The following RBM41 variants were observed in gnomAD, a reference collection of about 807,000 sequenced individuals.
The protein encoded by RBM41 is RNA binding motif protein 41.
In RBM41, 14 loss-of-function variants were observed where a neutral mutation model predicts 30.8. The ratio of observed to expected loss-of-function variants is 0.45; its 90% CI spans 0.30 to 0.71. The LOEUF (loss-of-function observed/expected upper bound fraction) is 0.71. Among genes scored for constraint, RBM41 ranks in the 30% least tolerant of loss-of-function variants. The probability of loss-of-function intolerance (pLI) is 0.08; values close to 1 mark genes in which losing one functional copy is unlikely to be tolerated. For missense variants in RBM41, 276 were observed against 326.3 expected (o/e 0.85, Z 1.19); for synonymous variants, 120 against 110.1 (o/e 1.09, Z -0.56).
intron 6 of RBM41, among the ~76,000 whole-genome samples, chrX:107,073,909 TA>T (rs1936150707): frequency 9.0e-6 from 1 of 111,210 alleles, no homozygotes; most frequent in Admixed American, 9.6e-5. Context: ...ATGTGGGAGC[TA>T]AAAAGAATTG....
chrX:107,090,919 C>T (rs1251800825), intron 5 of RBM41, among the ~76,000 whole-genome samples: 2 of 109,859 alleles, frequency 1.8e-5, no homozygotes, highest in East Asian at 5.7e-4. Context: ...TTTTAAGCCC[C>T]GCGTGCATTA....
chrX:107,116,344 G>C, intron 2 of RBM41: 1 of 767,335 alleles, frequency 1.3e-6, no homozygotes, highest in Non-Finnish European at 1.7e-6. Context: ...AATGGCTCCT[G>C]CTTTTGTGGA....
At chrX:107,105,505 T>A (rs1397597136) in intron 5 of RBM41, among the ~76,000 whole-genome samples, 1 of 108,856 alleles carries the variant, frequency 9.2e-6, no homozygotes, top group South Asian at 4.1e-4. Flanking sequence ...CTTCACAGAA[T>A]TGGAAAAAAC....
rs1437202370 is a variant in RBM41, at chrX:107,105,434, C to T, written c.595+7963G>A. The stretch of plus-strand genomic sequence containing the variant: ...GGAAGAATCAATATCGTGAAAATGG[C>T]CATACTGCCCAAGGTAATTTACAGA... On this transcript the variant is annotated intron_variant, in intron 5 of 7. Coordinates refer to ENST00000685964, the MANE Select transcript of RBM41 (RefSeq NM_001324242.2). Among the ~76,000 whole-genome samples, 3 of 106,437 alleles carry T rather than the reference C, an allele frequency of 2.8e-5. No homozygotes were observed. In the East Asian group the frequency reaches 8.9e-4, roughly 32 times the overall value. The allele number at this position is 106,437 out of a possible 115,157, so 92.4% of individuals were successfully genotyped here.
At position 107,115,919 on chromosome X, in the gene RBM41, T is replaced by C. The variant is rs1458850534; in HGVS notation, c.261A>G (p.Glu87=). 3 of 1,208,211 alleles carry C rather than the reference T, an allele frequency of 2.5e-6. No homozygotes were observed. Among genetic ancestry groups the C allele is most frequent in the Non-Finnish European group, 3.4e-6 (3 of 894,331 alleles). Residue 87 remains glutamate, a synonymous_variant, in exon 3 of 8, where the codon GAA becomes GAG. Coordinates refer to ENST00000685964, the MANE Select transcript of RBM41 (RefSeq NM_001324242.2). ...EKDQETASLR[E]LGLNETEILI... ...AGATTTCTGTTTCATTAAGCCCTAA[T>C]TCCCTGAGAGAAGCAGTTTCCTGGT... is the stretch of plus-strand genomic sequence containing the variant.
chrX:107,078,846 A>G (rs781345988), intron 6 of RBM41, among the ~76,000 whole-genome samples: 1 of 110,473 alleles, frequency 9.1e-6, no homozygotes, highest in East Asian at 2.8e-4. Flanking sequence ...AAGCTCTTTC[A>G]TTTGGCTCCT....
intron 3 of RBM41, 43 bp downstream of exon 3, chrX:107,115,819 T>G (rs1235986410): frequency 8.8e-7 from 1 of 1,130,424 alleles, no homozygotes; most frequent in African/African-American, 1.8e-5. Flanking sequence ...GCTCTGTTTC[T>G]TTGAGGAGAA....
chrX:107,117,213 G>A (rs1243798335), intron 1 of RBM41, among the ~76,000 whole-genome samples: 2 of 112,175 alleles, frequency 1.8e-5, no homozygotes, highest in Non-Finnish European at 3.8e-5. Flanking sequence ...GTGTGATGCA[G>A]AAAAGGAGAA....
At chrX:107,055,127 T>C in the RBM41 span, among the ~76,000 whole-genome samples, 1 of 112,097 alleles carries the variant, frequency 8.9e-6, no homozygotes, top group Non-Finnish European at 1.9e-5. Flanking sequence ...GCTTATTCCA[T>C]AGCATAACGT....
chrX:107,068,118 G>C (rs1343202873), intron 7 of RBM41, among the ~76,000 whole-genome samples: 2 of 111,035 alleles, frequency 1.8e-5, no homozygotes, highest in African/African-American at 6.5e-5. Context: ...TTTTTCAGTG[G>C]GAGAGTGGTT....
intron 3 of RBM41, 22 bp downstream of exon 3, chrX:107,115,840 A>C: frequency 8.7e-6 from 10 of 1,147,728 alleles, no homozygotes; most frequent in Non-Finnish European, 1.2e-5. Flanking sequence ...AAACCAACAA[A>C]AAAAAACATT....
chrX:107,086,036 T>C (rs1161809613), intron 6 of RBM41, among the ~76,000 whole-genome samples: 1 of 112,033 alleles, frequency 8.9e-6, no homozygotes, highest in Non-Finnish European at 1.9e-5. Context: ...AGCAAAGGAA[T>C]GTAACAGGTA....
intron 6 of RBM41, among the ~76,000 whole-genome samples, chrX:107,086,023 T>C (rs984754009): frequency 1.8e-5 from 2 of 111,824 alleles, no homozygotes; most frequent in Admixed American, 1.9e-4. Context: ...CGATTAAATA[T>C]TCAGCAAAGG....
intron 4 of RBM41, 30 bp from the exon 5 acceptor site, chrX:107,113,498 A>G (rs1569347067): frequency 1.0e-6 from 1 of 982,286 alleles, no homozygotes; most frequent in African/African-American, 2.0e-5. Context: ...GGAGTTTCAA[A>G]GATAGGAAAC....
intron 7 of RBM41, among the ~76,000 whole-genome samples, chrX:107,068,727 A>G (rs1186310462): frequency 1.8e-5 from 2 of 111,723 alleles, no homozygotes; most frequent in African/African-American, 6.5e-5. Context: ...AAAACAACAT[A>G]TTATCTGGTC....
the RBM41 span, among the ~76,000 whole-genome samples, chrX:107,052,787 G>A: frequency 9.0e-6 from 1 of 111,558 alleles, no homozygotes; most frequent in Non-Finnish European, 1.9e-5. Context: ...CCTAAGAAGG[G>A]GAGAACCCAG....
rs1215707044 is a variant in RBM41, at chrX:107,065,713, A to T, written c.*1814T>A. ...TGGATTTGTCTTACCATCTGGAGTC[A>T]GTTCTTTAGTACAAGACAGTTTTGC... On this transcript the variant is annotated 3_prime_UTR_variant, in exon 8 of 8. Coordinates refer to ENST00000685964, the MANE Select transcript of RBM41 (RefSeq NM_001324242.2). 14 of 1,137,690 alleles carry T rather than the reference A, an allele frequency of 1.2e-5. No homozygotes were observed. Among genetic ancestry groups the T allele is most frequent in the Non-Finnish European group, 1.5e-5 (13 of 858,552 alleles). 93.8% of individuals were successfully genotyped at this position (1,137,690 alleles called of 1,213,427 possible). A position where few individuals can be genotyped will look rare whatever the true frequency, so the allele number is the denominator to read the frequency against.
intron 5 of RBM41, among the ~76,000 whole-genome samples, chrX:107,102,582 A>G (rs941576965): frequency 8.1e-5 from 9 of 111,394 alleles, no homozygotes; most frequent in African/African-American, 2.6e-4. Context: ...CTTGACATAT[A>G]TGAGACTGAC....
the RBM41 span, among the ~76,000 whole-genome samples, chrX:107,053,084 A>C: frequency 8.9e-6 from 1 of 111,963 alleles, no homozygotes; most frequent in Non-Finnish European, 1.9e-5. Flanking sequence ...ATTTCTTGAG[A>C]TAGTTTGTAG....
Sources: gnomAD v4.1 joint callset for allele counts (sites outside exome capture counted in the v4.1 genomes callset) on GRCh38, gnomAD v4.1.1 for gene constraint, MANE v1.5 for transcripts, NCBI Gene and HGNC (gene_info 2026-07-23, HGNC 2026-07-21) for gene names.